The following SPAG16 variants were observed in gnomAD, a reference collection of about 807,000 sequenced individuals.
SPAG16 encodes the protein sperm-associated antigen 16 protein.
In SPAG16, 86 loss-of-function variants were observed where a neutral mutation model predicts 80.4. That is an observed-to-expected ratio of 1.07 (90% CI 0.90 to 1.28). SPAG16 has a LOEUF of 1.28. SPAG16 is among the 50% of genes most tolerant of loss of function. The pLI is 0.00. For synonymous variants in SPAG16, 294 were observed against 265.9 expected, an observed-to-expected ratio of 1.11 and a Z score of -1.03; for missense variants, 870 against 765.3, an observed-to-expected ratio of 1.14 and a Z score of -1.61.
At chr2:214,085,669 T>C (rs894324001) in intron 13 of SPAG16, among the ~76,000 whole-genome samples, 1 of 152,214 alleles carries the variant, frequency 6.6e-6, no homozygotes. Flanking sequence ...CTCATTACCT[T>C]TCCTTTGAAC....
At chr2:214,257,587 G>T (rs1338666799) in intron 15 of SPAG16, among the ~76,000 whole-genome samples, 2 of 152,024 alleles carry the variant, frequency 1.3e-5, no homozygotes, top group Admixed American at 6.6e-5. Context: ...TCATTGAAAT[G>T]ACCATGTAAT....
intron 15 of SPAG16, among the ~76,000 whole-genome samples, chr2:214,235,303 T>TG (rs1373728280): frequency 3.1e-4 from 47 of 152,146 alleles, no homozygotes; most frequent in Non-Finnish European, 8.8e-5. Flanking sequence ...ATGAGTCCAT[T>TG]GAGTCCAAAC....
At chr2:213,982,842 A>G (rs2045828148) in intron 12 of SPAG16, among the ~76,000 whole-genome samples, 1 of 152,078 alleles carries the variant, frequency 6.6e-6, no homozygotes, top group African/African-American at 2.4e-5. Context: ...GGAGACCAAC[A>G]TAAATTTTCC....
At chr2:213,981,632 G>T (rs546943581) in intron 12 of SPAG16, among the ~76,000 whole-genome samples, 4 of 152,038 alleles carry the variant, frequency 2.6e-5, no homozygotes, top group Non-Finnish European at 4.4e-5. Context: ...AGGTGGACTT[G>T]AGTTTGTTTT....
chr2:214,113,729 T>G (rs550296092), intron 14 of SPAG16, among the ~76,000 whole-genome samples: 3 of 152,338 alleles, frequency 2.0e-5, no homozygotes, highest in African/African-American at 7.2e-5. Context: ...CATCTAATCT[T>G]TTTTCAAGGT....
chr2:214,127,776 G>A (rs181995145), intron 14 of SPAG16, among the ~76,000 whole-genome samples: 2 of 151,802 alleles, frequency 1.3e-5, no homozygotes, highest in Admixed American at 6.7e-5. Context: ...GGCCATTCTG[G>A]CAGGGAAAGC....
At chr2:213,933,942 A>G (rs1418625628) in intron 12 of SPAG16, among the ~76,000 whole-genome samples, 1 of 152,234 alleles carries the variant, frequency 6.6e-6, no homozygotes, top group Admixed American at 6.5e-5. Context: ...CTCTTCAAAC[A>G]GTGAAACAGT....
chr2:213,507,842 G>C (rs1349819276), intron 10 of SPAG16, among the ~76,000 whole-genome samples: 3 of 152,160 alleles, frequency 2.0e-5, no homozygotes, highest in African/African-American at 7.2e-5. Flanking sequence ...GTCTGCTTCA[G>C]CTCTGATCAC....
At chr2:214,237,109 G>C (rs779956634) in intron 15 of SPAG16, among the ~76,000 whole-genome samples, 1 of 151,938 alleles carries the variant, frequency 6.6e-6, no homozygotes, top group African/African-American at 2.4e-5. Flanking sequence ...ACCCTTTCAG[G>C]GACAGCAATC....
At chr2:214,234,081 C>CT (rs550688930) in intron 15 of SPAG16, among the ~76,000 whole-genome samples, 2 of 151,568 alleles carry the variant, frequency 1.3e-5, no homozygotes, top group South Asian at 4.2e-4. Context: ...GTTTCCCCCC[C>CT]CATGTGTCCA....
At chr2:214,279,517 T>C (rs938722503) in intron 15 of SPAG16, among the ~76,000 whole-genome samples, 3 of 152,140 alleles carry the variant, frequency 2.0e-5, no homozygotes, top group Non-Finnish European at 4.4e-5. Context: ...ATTGATGAAC[T>C]CTGTAAGGTA....
At chr2:214,297,916 A>T (rs2125944227) in intron 15 of SPAG16, among the ~76,000 whole-genome samples, 1 of 150,938 alleles carries the variant, frequency 6.6e-6, no homozygotes, top group South Asian at 2.1e-4. Context: ...TTGCATTGAT[A>T]CTGTAGATTG....
chr2:213,850,545 C>T (rs2074848593), intron 10 of SPAG16, among the ~76,000 whole-genome samples: 1 of 152,148 alleles, frequency 6.6e-6, no homozygotes, highest in African/African-American at 2.4e-5. Context: ...TCTGGCCTGC[C>T]TGTATGGCAT....
At chr2:213,468,388 T>G (rs1031907840) in intron 9 of SPAG16, among the ~76,000 whole-genome samples, 13 of 142,680 alleles carry the variant, frequency 9.1e-5, no homozygotes, top group African/African-American at 3.2e-4. Context: ...TATATATAGA[T>G]ATATATATAT....
chr2:214,161,530 GA>G (rs1458555267), intron 15 of SPAG16, among the ~76,000 whole-genome samples: 1 of 152,116 alleles, frequency 6.6e-6, no homozygotes, highest in Non-Finnish European at 1.5e-5. Flanking sequence ...TTGTGGTTTT[GA>G]TTTGCCTTTC....
intron 8 of SPAG16, among the ~76,000 whole-genome samples, chr2:213,368,363 A>G (rs989275251): frequency 2.6e-5 from 4 of 152,164 alleles, no homozygotes; most frequent in African/African-American, 7.2e-5. Flanking sequence ...CATTGAATCT[A>G]TACACTTCAT....
intron 13 of SPAG16, among the ~76,000 whole-genome samples, chr2:214,104,073 A>C (rs972715072): frequency 2.6e-5 from 4 of 152,200 alleles, no homozygotes; most frequent in African/African-American, 9.6e-5. Context: ...TGGATGTGAA[A>C]GAATGCCTCA....
intron 10 of SPAG16, among the ~76,000 whole-genome samples, chr2:213,588,510 T>C (rs1056244474): frequency 2.0e-5 from 3 of 150,842 alleles, no homozygotes; most frequent in South Asian, 2.1e-4. Flanking sequence ...GTGATAAGAC[T>C]CCCTATCCAT....
chr2:214,132,882 C>T lies in SPAG16; in HGVS notation c.1594-16258C>T, dbSNP rs1012075942. Among the ~76,000 whole-genome samples, 5 of 152,020 alleles carry T rather than the reference C, an allele frequency of 3.3e-5. No individual in the cohort carries two copies. The South Asian group carries it at 6.2e-4, about 19-fold the overall frequency. On this transcript the variant is annotated intron_variant, in intron 14 of 15. Transcript: ENST00000331683. The stretch of plus-strand genomic sequence containing the variant: ...CCTAGGCGGGCGGATCACCTGAGGT[C>T]GCGAGTTCGAGACCAGCCTGACCAA...
Sources: gnomAD v4.1 joint callset for allele counts (sites outside exome capture counted in the v4.1 genomes callset) on GRCh38, gnomAD v4.1.1 for gene constraint, MANE v1.5 for transcripts, NCBI Gene and HGNC (gene_info 2026-07-23, HGNC 2026-07-21) for gene names.